Variants in CACNA1C observed in about 807,000 individuals in gnomAD.
The protein encoded by CACNA1C is calcium voltage-gated channel subunit alpha1 C.
In CACNA1C, 30 loss-of-function variants were observed where a neutral mutation model predicts 229.0. The observed-to-expected ratio is 0.13, with a 90% confidence interval of 0.10 to 0.18. The LOEUF (loss-of-function observed/expected upper bound fraction) is 0.18, where lower values mean the gene tolerates loss of function less well. Ranked by LOEUF, CACNA1C falls within the 10% of genes least tolerant of loss-of-function variation. The pLI, the probability that CACNA1C is intolerant of heterozygous loss-of-function variation, is 1.00. For missense variants in CACNA1C, 1,658 were observed against 2,845.0 expected (o/e 0.58, Z 9.49); for synonymous variants, 1,114 against 1,132.5 (o/e 0.98, Z 0.33).
At chr12:2,058,765 G>A (rs979116800) in intron 1 of CACNA1C, among the ~76,000 whole-genome samples, 5 of 152,312 alleles carry the variant, frequency 3.3e-5, no homozygotes, top group African/African-American at 1.2e-4. Flanking sequence ...GTGTCATTTC[G>A]AAGCCGGGTG....
Position 2,069,842 on chromosome 12 carries a change from C to T in CACNA1C, c.49+16231C>T, listed in dbSNP as rs145834443. 9.7e-4 allele frequency among the ~76,000 whole-genome samples: 148 copies of T among 152,152 alleles called. 1 individual carries two copies. Among genetic ancestry groups the T allele is most frequent in the African/African-American group, 3.4e-3 (143 of 41,504 alleles). ...CTTTTCTTTTCTTTTTTTCTTGAGA[C>T]GGCGTCACTCTGTTGTCCAGGCTGG... On this transcript the variant is annotated intron_variant, in intron 1 of 46. Coordinates refer to ENST00000399655, the MANE Select transcript of CACNA1C (RefSeq NM_000719.7).
intron 3 of CACNA1C, among the ~76,000 whole-genome samples, chr12:2,271,542 A>G (rs1486805260): frequency 6.6e-6 from 1 of 152,190 alleles, no homozygotes; most frequent in African/African-American, 2.4e-5. Context: ...CGATACCCTA[A>G]TCTATAAAAT....
chr12:1,990,984 C>CAAA (rs58516806), intron 1 of CACNA1C: 113 of 324,306 alleles, frequency 3.5e-4, no homozygotes, highest in Middle Eastern at 9.3e-4. Flanking sequence ...ATAGAAAGGA[C>CAAA]AAAAAAAAAA....
intron 3 of CACNA1C, among the ~76,000 whole-genome samples, chr12:2,212,765 T>A (rs763948765): frequency 6.6e-6 from 1 of 152,190 alleles, no homozygotes; most frequent in Non-Finnish European, 1.5e-5. Context: ...CAGCAGGTGC[T>A]GCGGTCATGA....
At chr12:2,127,751 T>C (rs2090670459) in intron 3 of CACNA1C, among the ~76,000 whole-genome samples, 3 of 152,208 alleles carry the variant, frequency 2.0e-5, no homozygotes, top group African/African-American at 7.2e-5. Context: ...TCTTAAAAGC[T>C]ATACCAGAGC....
chr12:2,306,672 G>A (rs9668295), intron 3 of CACNA1C, among the ~76,000 whole-genome samples: 1,832 of 152,264 alleles, frequency 0.012, 36 homozygotes, highest in African/African-American at 0.042. Context: ...AAAGAACGCT[G>A]GATAAAATTT....
At chr12:2,117,981 A>G (rs60250705) in intron 2 of CACNA1C, among the ~76,000 whole-genome samples, 3,860 of 152,336 alleles carry the variant, frequency 0.025, 146 homozygotes, top group African/African-American at 0.078. Context: ...AAGGGAACTC[A>G]GCTTAAAAAG....
rs772235214 is a variant in CACNA1C, at chr12:2,585,465, C to T, written c.2429C>T (p.Thr810Met). 2.0e-5 allele frequency: 32 copies of T among 1,578,618 alleles called. No homozygotes were observed. Among genetic ancestry groups the T allele is most frequent in the Middle Eastern group, 1.7e-4 (1 of 5,958 alleles). The change falls in exon 17 of 47, where the codon ACG becomes ATG. Residue 810 changes from threonine to methionine, a missense_variant. Thr to Met is a moderately conservative substitution (Grantham distance 81). Coordinates refer to ENST00000399655, the MANE Select transcript of CACNA1C (RefSeq NM_000719.7). This position sits in a 1 kb window ranked among gnomAD's most constrained non-coding sequence, Gnocchi z 4.1. Reference protein sequence around the residue: ...KEEKIELKSITADGESPPATK... With the variant: ...KEEKIELKSIMADGESPPATK... ...GAGAAGATTGAGCTGAAATCCATCA[C>T]GGCTGACGGAGAGTCTCCACCCGCC...
Position 2,606,681 on chromosome 12 carries a change from G to T in CACNA1C, c.3209+18G>T, listed in dbSNP as rs1392624283. 1.2e-6 allele frequency: 2 copies of T among 1,604,012 alleles called. No homozygotes were observed. Among genetic ancestry groups the T allele is most frequent in the Non-Finnish European group, 8.5e-7 (1 of 1,174,746 alleles). On this transcript the variant is annotated intron_variant, in intron 25 of 46. Coordinates refer to ENST00000399655, the MANE Select transcript of CACNA1C (RefSeq NM_000719.7). Reference sequence around the variant, plus strand: ...GAATGCAAGTGAGTAGAGGTGGGAGGGCAGCCAGGGCCACGGCCGGTCAGC... The same window carrying T: ...GAATGCAAGTGAGTAGAGGTGGGAGTGCAGCCAGGGCCACGGCCGGTCAGC...
chr12:2,211,097 G>T (rs2097906058), intron 3 of CACNA1C, among the ~76,000 whole-genome samples: 1 of 152,212 alleles, frequency 6.6e-6, no homozygotes, highest in Admixed American at 6.5e-5. Context: ...GTCAAGGAAG[G>T]CCCTACTGAA....
chr12:2,260,476 A>T (rs1311078666), intron 3 of CACNA1C, among the ~76,000 whole-genome samples: 3 of 100,646 alleles, frequency 3.0e-5, no homozygotes, highest in African/African-American at 5.5e-5. Context: ...TGTCTCTATT[A>T]AAAAAAAAAA....
At chr12:2,459,334 A>G (rs1440768829) in intron 5 of CACNA1C, among the ~76,000 whole-genome samples, 1 of 151,896 alleles carries the variant, frequency 6.6e-6, no homozygotes, top group Admixed American at 6.6e-5. Flanking sequence ...GGATTTTTAC[A>G]CATATATCCT....
chr12:2,097,445 C>T (rs573848051), intron 1 of CACNA1C, among the ~76,000 whole-genome samples: 18 of 152,282 alleles, frequency 1.2e-4, no homozygotes, highest in African/African-American at 4.3e-4. Flanking sequence ...CGCGCCTGGC[C>T]ACATTTAATT....
intron 13 of CACNA1C, among the ~76,000 whole-genome samples, chr12:2,579,719 T>C (rs2059840482): frequency 6.6e-6 from 1 of 152,172 alleles, no homozygotes; most frequent in Admixed American, 6.5e-5. Flanking sequence ...TAGGTGGGAC[T>C]ACAGGCATGC....
chr12:2,542,046 G>C (rs532831054), intron 9 of CACNA1C, among the ~76,000 whole-genome samples: 30 of 152,254 alleles, frequency 2.0e-4, no homozygotes, highest in African/African-American at 7.2e-4. Context: ...GGATGTGGCA[G>C]GGAGGAAGGA....
Position 2,410,042 on chromosome 12 carries a change from A to G in CACNA1C, c.478-38934A>G, listed in dbSNP as rs2154553163. Among the ~76,000 whole-genome samples the G allele has an allele frequency of 6.6e-6, 1 of 152,302 alleles. No homozygotes were observed. The highest frequency in any genetic ancestry group is 3.4e-3 in the Middle Eastern group (1 of 294). The stretch of plus-strand genomic sequence containing the variant: ...AGGAGAATTTTCGCTCGGGGTGGGA[A>G]TGAATCATCCTCACCTGCCAGCCGC... On this transcript the variant is annotated intron_variant, in intron 3 of 46. Coordinates refer to ENST00000399655, the MANE Select transcript of CACNA1C (RefSeq NM_000719.7). The surrounding 1 kb of genome is among the most constrained non-coding windows in gnomAD (Gnocchi z 5.3).
At chr12:2,232,771 TATTTA>T (rs1818379759) in intron 3 of CACNA1C, among the ~76,000 whole-genome samples, 1 of 152,244 alleles carries the variant, frequency 6.6e-6, no homozygotes. Flanking sequence ...CCCAGTTATT[TATTTA>T]TTTAGTCATT....
chr12:2,000,738 T>A (rs957375149), intron 1 of CACNA1C, among the ~76,000 whole-genome samples: 1 of 152,130 alleles, frequency 6.6e-6, no homozygotes, highest in African/African-American at 2.4e-5. Context: ...AGTTTCTCCA[T>A]TGAAAAGAGA....
At chr12:2,611,209 A>G (rs1450710502) in intron 28 of CACNA1C, among the ~76,000 whole-genome samples, 51 of 106,926 alleles carry the variant, frequency 4.8e-4, no homozygotes, top group African/African-American at 1.6e-3. Flanking sequence ...AGCTGGATGC[A>G]TTCCTTGTTG....
Sources: gnomAD v4.1 joint callset for allele counts (sites outside exome capture counted in the v4.1 genomes callset) on GRCh38, gnomAD v4.1.1 for gene constraint, Gnocchi (gnomAD v3.1) non-coding constraint, MANE v1.5 for transcripts, NCBI Gene and HGNC (gene_info 2026-07-23, HGNC 2026-07-21) for gene names.